Variants in LRRC4C observed in about 807,000 individuals in gnomAD.
LRRC4C encodes leucine rich repeat containing 4C, also known as leucine-rich repeat-containing protein 4C.
LRRC4C carries 5 observed loss-of-function variants against 33.6 expected under a neutral mutation model. The observed-to-expected ratio is 0.15, with a 90% CI of 0.08 to 0.31. The LOEUF (loss-of-function observed/expected upper bound fraction) is 0.31, where lower values mean the gene tolerates loss of function less well. LRRC4C is among the 10% of genes least tolerant of loss of function. The pLI, the probability that LRRC4C is intolerant of heterozygous loss-of-function variation, is 1.00. For synonymous variants in LRRC4C, 329 were observed against 302.0 expected (o/e 1.09, Z -0.93); for missense variants, 560 against 796.7 (o/e 0.70, Z 3.58).
chr11:40,565,305 A>AC (rs1364687871), intron 3 of LRRC4C, among the ~76,000 whole-genome samples: 1 of 152,150 alleles, frequency 6.6e-6, no homozygotes, highest in Non-Finnish European at 1.5e-5. Context: ...GTCTCCCTTC[A>AC]TGAAAAAAAT....
chr11:41,239,250 A>G (rs971998820), intron 1 of LRRC4C, among the ~76,000 whole-genome samples: 35 of 131,852 alleles, frequency 2.7e-4, no homozygotes, highest in African/African-American at 9.1e-4. Context: ...TGAACCCAAG[A>G]GGCGGAGCTT....
intron 3 of LRRC4C, among the ~76,000 whole-genome samples, chr11:40,448,482 T>C (rs141460846): frequency 0.012 from 1,867 of 152,172 alleles, 18 homozygotes; most frequent in Non-Finnish European, 0.018. Context: ...CTCCCATGTA[T>C]GAGTGAGAAC....
At chr11:40,386,320 T>C (rs749356067) in intron 3 of LRRC4C, among the ~76,000 whole-genome samples, 4 of 152,170 alleles carry the variant, frequency 2.6e-5, no homozygotes, top group Non-Finnish European at 5.9e-5. Context: ...ATAGAACTTC[T>C]TGACCTTAAG....
At chr11:41,445,699 T>G (rs1291070142) in intron 1 of LRRC4C, among the ~76,000 whole-genome samples, 2 of 152,184 alleles carry the variant, frequency 1.3e-5, no homozygotes, top group Non-Finnish European at 2.9e-5. Flanking sequence ...CTGTAATACG[T>G]GAACAATAAT....
At chr11:40,737,201 G>T (rs1487737888) in intron 2 of LRRC4C, among the ~76,000 whole-genome samples, 1 of 152,054 alleles carries the variant, frequency 6.6e-6, no homozygotes, top group Non-Finnish European at 1.5e-5. Context: ...AATAAACTAG[G>T]TATTGATGGA....
intron 3 of LRRC4C, among the ~76,000 whole-genome samples, chr11:40,449,036 A>T (rs1263779939): frequency 1.3e-5 from 2 of 152,160 alleles, no homozygotes; most frequent in African/African-American, 4.8e-5. Flanking sequence ...TGTTGGCTGC[A>T]TAAATGTCTT....
intron 1 of LRRC4C, among the ~76,000 whole-genome samples, chr11:41,179,185 CTT>C (rs556167987): frequency 1.5e-3 from 198 of 136,508 alleles, no homozygotes; most frequent in African/African-American, 4.9e-3. Context: ...CCTCAAGCCT[CTT>C]TTTTTTTTTT....
rs191350205 is a variant in LRRC4C at position 40,728,582 on chromosome 11, C to T, written c.-406-80304G>A. Among the ~76,000 whole-genome samples the T allele has an allele frequency of 4.0e-3, 574 of 144,094 alleles. 4 individuals are homozygous for T. Among genetic ancestry groups the T allele is most frequent in the African/African-American group, 0.014 (552 of 38,376 alleles). 94.5% of individuals were successfully genotyped at this position (144,094 alleles called of 152,430 possible). On this transcript the variant is annotated intron_variant, in intron 2 of 6. Coordinates refer to ENST00000528697, the MANE Select transcript of LRRC4C (RefSeq NM_001258419.2). ...CGGAGCTTACAGTGAACTGAGATTG[C>T]GCCACTGCACTCCAGCCTGGGTGAC... is the stretch of plus-strand genomic sequence containing the variant.
At chr11:41,056,653 T>TA (rs927525720) in intron 1 of LRRC4C, among the ~76,000 whole-genome samples, 3 of 151,770 alleles carry the variant, frequency 2.0e-5, no homozygotes, top group Non-Finnish European at 2.9e-5. Flanking sequence ...AACAAACATG[T>TA]AAAAAAAATG....
At chr11:40,141,943 GTATTT>G (rs1857393757) in intron 5 of LRRC4C, among the ~76,000 whole-genome samples, 2 of 152,104 alleles carry the variant, frequency 1.3e-5, no homozygotes, top group African/African-American at 2.4e-5. Context: ...TGATCAAAAT[GTATTT>G]TAAAGATGAT....
chr11:40,803,720 G>T (rs536572310), intron 2 of LRRC4C, among the ~76,000 whole-genome samples: 9 of 152,044 alleles, frequency 5.9e-5, no homozygotes, highest in Admixed American at 2.0e-4. Flanking sequence ...TGGTCCACCC[G>T]CCTCGGCCTC....
chr11:40,555,863 T>G (rs1346636757), intron 3 of LRRC4C, among the ~76,000 whole-genome samples: 2 of 152,236 alleles, frequency 1.3e-5, no homozygotes, highest in Non-Finnish European at 2.9e-5. Context: ...TAAATCTGCA[T>G]GGTAAACAAT....
intron 1 of LRRC4C, among the ~76,000 whole-genome samples, chr11:40,943,698 A>C (rs1200959004): frequency 6.6e-6 from 1 of 152,186 alleles, no homozygotes; most frequent in Non-Finnish European, 1.5e-5. Flanking sequence ...GTTGTCTCCA[A>C]GGCTATCTCT....
At position 40,602,546 on chromosome 11, in the gene LRRC4C, GA is replaced by G. The variant is rs576148049; in HGVS notation, c.-270+45595del. 1.0e-3 allele frequency among the ~76,000 whole-genome samples: 152 copies of G among 151,314 alleles called. 1 individual carries two copies. The highest frequency in any genetic ancestry group is 3.6e-3 in the African/African-American group (148 of 41,262). ...ATGTTATCACAATATAGAAAAAAATGAAAAAAAGGCAAGAGATTTAAAAGAA... is the reference window on the plus strand; with the variant it reads ...ATGTTATCACAATATAGAAAAAAATGAAAAAAGGCAAGAGATTTAAAAGAA... On this transcript the variant is annotated intron_variant, in intron 3 of 6. Transcript: ENST00000528697.
intron 3 of LRRC4C, among the ~76,000 whole-genome samples, chr11:40,519,162 C>T (rs965591694): frequency 6.6e-6 from 1 of 151,920 alleles, no homozygotes; most frequent in Non-Finnish European, 1.5e-5. Flanking sequence ...ATGGGTGCAG[C>T]AAACCACCAT....
intron 1 of LRRC4C, among the ~76,000 whole-genome samples, chr11:41,187,482 A>C (rs759317932): frequency 1.3e-5 from 2 of 152,088 alleles, no homozygotes; most frequent in South Asian, 4.2e-4. Flanking sequence ...GAGTCGCCCA[A>C]CTCCAGGGGA....
rs188115880 is a variant in LRRC4C at position 40,183,196 on chromosome 11, A to C, written c.-95-42343T>G. Among the ~76,000 whole-genome samples, 3 of 152,326 alleles carry C rather than the reference A, an allele frequency of 2.0e-5. No homozygotes were observed. In the East Asian group the frequency reaches 5.8e-4, roughly 29 times the overall value. On this transcript the variant is annotated intron_variant, in intron 5 of 6. Transcript: ENST00000528697. ...AGTGAGGGAAGAATGAATTTAATCA[A>C]GGCATTTTTTTTTCTCTTTAAAAGT...
At chr11:40,219,783 T>A (rs1000530922) in intron 5 of LRRC4C, among the ~76,000 whole-genome samples, 1 of 152,088 alleles carries the variant, frequency 6.6e-6, no homozygotes, top group African/African-American at 2.4e-5. Flanking sequence ...GTTGCAAATA[T>A]GTAGGATGAA....
At chr11:40,147,585 G>C (rs78316500) in intron 5 of LRRC4C, among the ~76,000 whole-genome samples, 4,198 of 152,062 alleles carry the variant, frequency 0.028, 98 homozygotes, top group Non-Finnish European at 0.042. Context: ...CAATGAATCA[G>C]ACAGTGAAGA....
Sources: gnomAD v4.1 joint callset for allele counts (sites outside exome capture counted in the v4.1 genomes callset) on GRCh38, gnomAD v4.1.1 for gene constraint, MANE v1.5 for transcripts, NCBI Gene and HGNC (gene_info 2026-07-23, HGNC 2026-07-21) for gene names.